NACC2: variants seen among roughly 807,000 people sequenced by gnomAD.
NACC2 encodes nucleus accumbens-associated protein 2.
Under a neutral mutation model 25.1 loss-of-function variants are expected in NACC2, and 8 were observed. The ratio of observed to expected loss-of-function variants is 0.32; its 90% CI spans 0.19 to 0.57. The LOEUF (loss-of-function observed/expected upper bound fraction) is 0.57, where lower values mean the gene tolerates loss of function less well. Among genes scored for constraint, NACC2 ranks in the 20% least tolerant of loss-of-function variants. The pLI is 0.89. For missense variants in NACC2, 644 were observed against 650.2 expected (o/e 0.99, Z 0.10); for synonymous variants, 435 against 294.7 (o/e 1.48, Z -4.88).
chr9:136,060,530 C>A (rs1348428790), intron 1 of NACC2, among the ~76,000 whole-genome samples: 1 of 152,264 alleles, frequency 6.6e-6, no homozygotes, highest in Non-Finnish European at 1.5e-5. Context: ...AGGGTCAGCT[C>A]CACACTGGGG....
At chr9:136,016,476 G>A in intron 2 of NACC2, 47 bp from the exon 3 acceptor site, 1 of 1,606,846 alleles carries the variant, frequency 6.2e-7, no homozygotes, top group Non-Finnish European at 8.5e-7. Context: ...TGGGGGGCCG[G>A]GCTGCTCTGT....
intron 1 of NACC2, among the ~76,000 whole-genome samples, chr9:136,062,640 C>T (rs1011035093): frequency 1.3e-5 from 2 of 152,240 alleles, no homozygotes; most frequent in African/African-American, 4.8e-5. Context: ...ACAGGCTGGG[C>T]ACAGTGGCTC....
At chr9:136,053,341 G>A (rs1840876155) in intron 1 of NACC2, among the ~76,000 whole-genome samples, 1 of 152,220 alleles carries the variant, frequency 6.6e-6, no homozygotes, top group Admixed American at 6.5e-5. Flanking sequence ...AAAGGCCCGT[G>A]GAGGTGGCTT....
In NACC2 at chr9:136,045,219, G is replaced by C. The variant is rs1366352728; in HGVS notation, c.886+4417C>G. 2.0e-5 allele frequency among the ~76,000 whole-genome samples: 3 copies of C among 152,236 alleles called. No individual in the cohort carries two copies. In the East Asian group the frequency reaches 5.8e-4, roughly 29 times the overall value. On this transcript the variant is annotated intron_variant, in intron 2 of 5. Transcript: ENST00000277554. Reference sequence around the variant, plus strand: ...CATGCCCTGCAGAGAGGCACACAGGGGACACCGGGTGGACCCCAGAGAGGT... The same window carrying C: ...CATGCCCTGCAGAGAGGCACACAGGCGACACCGGGTGGACCCCAGAGAGGT...
chr9:136,045,915 G>A (rs1260754910), intron 2 of NACC2, among the ~76,000 whole-genome samples: 3 of 152,104 alleles, frequency 2.0e-5, no homozygotes, highest in East Asian at 1.9e-4. Context: ...CCCAGCTGGC[G>A]CTGCCCACCC....
At chr9:136,048,492 C>T (rs1378600886) in intron 2 of NACC2, among the ~76,000 whole-genome samples, 1 of 152,232 alleles carries the variant, frequency 6.6e-6, no homozygotes, top group Admixed American at 6.5e-5. Flanking sequence ...AAAACAAAAG[C>T]TGTGAAGCCC....
intron 2 of NACC2, among the ~76,000 whole-genome samples, chr9:136,033,306 G>C (rs2131149029): frequency 6.6e-6 from 1 of 152,140 alleles, no homozygotes; most frequent in African/African-American, 2.4e-5. Context: ...ATTAGTAACA[G>C]ACATGAAAAA....
intron 2 of NACC2, among the ~76,000 whole-genome samples, chr9:136,024,131 AGGACAGTGTGTGTGTGG>A (rs1395135749): frequency 1.4e-5 from 2 of 140,976 alleles, no homozygotes; most frequent in African/African-American, 2.7e-5. Flanking sequence ...GGTGCGTGTG[AGGACAGTGTGTGTGTGG>A]GGACAGAGTG....
intron 1 of NACC2, among the ~76,000 whole-genome samples, chr9:136,085,268 GCCT>G (rs963248890): frequency 7.5e-5 from 11 of 146,578 alleles, no homozygotes; most frequent in African/African-American, 2.8e-4. Context: ...TTGTGCCTCA[GCCT>G]CCTGTGTAGC....
intron 2 of NACC2, among the ~76,000 whole-genome samples, chr9:136,024,533 G>GTGTGTGT (rs770978573): frequency 2.8e-5 from 3 of 106,692 alleles, no homozygotes; most frequent in South Asian, 3.6e-4. Context: ...GTGTGTGTGT[G>GTGTGTGT]GACAGTGTGT....
At chr9:136,082,665 C>A in intron 1 of NACC2, among the ~76,000 whole-genome samples, 1 of 151,826 alleles carries the variant, frequency 6.6e-6, no homozygotes, top group African/African-American at 2.4e-5. Flanking sequence ...GGACCTGCCT[C>A]CCAAGAAGCA....
intron 1 of NACC2, among the ~76,000 whole-genome samples, chr9:136,074,855 G>T (rs1002103080): frequency 6.6e-6 from 1 of 152,188 alleles, no homozygotes; most frequent in African/African-American, 2.4e-5. Flanking sequence ...CACACAGAGC[G>T]GCAGGAAGCG....
chr9:136,090,492 A>G (rs1830423550), intron 1 of NACC2, among the ~76,000 whole-genome samples: 1 of 152,136 alleles, frequency 6.6e-6, no homozygotes, highest in South Asian at 2.1e-4. Context: ...GTGTCCCTGT[A>G]AAGAGGGGGG....
In NACC2 at chr9:136,020,250, T is replaced by C. The variant is rs1189554126; in HGVS notation, c.887-3821A>G. ...AGGTCTGGAGGGAAACCGGGTCTCA[T>C]TGGCCTCACCCTGACTTTTCTCAAC... On this transcript the variant is annotated intron_variant, in intron 2 of 5. Transcript: ENST00000277554. This position sits in a 1 kb window ranked among gnomAD's most constrained non-coding sequence, Gnocchi z 4.7. Among the ~76,000 whole-genome samples the C allele has an allele frequency of 6.6e-6, 1 of 152,140 alleles. No homozygotes were observed. The highest frequency in any genetic ancestry group is 1.9e-4 in the East Asian group (1 of 5,202).
intron 2 of NACC2, among the ~76,000 whole-genome samples, chr9:136,031,437 G>C (rs1368760981): frequency 1.3e-5 from 2 of 152,138 alleles, no homozygotes; most frequent in Non-Finnish European, 2.9e-5. Flanking sequence ...TCCCGGGTTC[G>C]AGCAATTCTC....
chr9:136,034,103 A>C (rs1001269760), intron 2 of NACC2, among the ~76,000 whole-genome samples: 1 of 152,208 alleles, frequency 6.6e-6, no homozygotes, highest in Admixed American at 6.5e-5. Flanking sequence ...AAAAACAGAG[A>C]GATCAAGGGT....
intron 2 of NACC2, among the ~76,000 whole-genome samples, chr9:136,036,189 G>A (rs958724752): frequency 2.0e-5 from 3 of 152,126 alleles, no homozygotes; most frequent in African/African-American, 4.8e-5. Context: ...TATTTAAATA[G>A]GCACTTCACA....
chr9:136,065,386 G>A (rs568314000), intron 1 of NACC2, among the ~76,000 whole-genome samples: 142 of 152,274 alleles, frequency 9.3e-4, no homozygotes, highest in African/African-American at 3.2e-3. Flanking sequence ...TTGGGAGGCC[G>A]AGGCGGGCAG....
In NACC2 at chr9:136,050,367, C is replaced by A; in HGVS notation, c.155G>T (p.Ser52Ile). 1 of 749,280 alleles carries A rather than the reference C, an allele frequency of 1.3e-6. No individual in the cohort carries two copies. The allele number at this position is 749,280 out of a possible 1,614,324, so 46.4% of individuals were successfully genotyped here. The change falls in exon 2 of 6, where the codon AGC becomes ATC. Residue 52 changes from serine (S) to isoleucine (I), a missense_variant. Ser to Ile is a moderately radical substitution (Grantham distance 142). Transcript: ENST00000277554. ...GCTGAACAGGTCGCGGAAGTAGAGG[C>A]TGCTGGCGGCCAGCACCGCCCGGTG... Reference protein sequence around the residue: ...KAHRAVLAASSLYFRDLFSGN... With the variant: ...KAHRAVLAASILYFRDLFSGN...
Sources: gnomAD v4.1 joint callset for allele counts (sites outside exome capture counted in the v4.1 genomes callset) on GRCh38, gnomAD v4.1.1 for gene constraint, Gnocchi (gnomAD v3.1) non-coding constraint, MANE v1.5 for transcripts, NCBI Gene and HGNC (gene_info 2026-07-23, HGNC 2026-07-21) for gene names.